The following ZBTB25 variants were observed in gnomAD, a reference collection of about 807,000 sequenced individuals.
ZBTB25 encodes the protein zinc finger and BTB domain-containing protein 25.
Under a neutral mutation model 34.2 loss-of-function variants are expected in ZBTB25, and 20 were observed. The ratio of observed to expected loss-of-function variants is 0.58; its 90% CI spans 0.41 to 0.85. ZBTB25 has a LOEUF of 0.85. Ranked by LOEUF, ZBTB25 falls within the 40% of genes least tolerant of loss-of-function variation. The pLI is 0.00. For synonymous variants in ZBTB25, 175 were observed against 186.4 expected, an observed-to-expected ratio of 0.94 and a Z score of 0.50; for missense variants, 437 against 521.8, an observed-to-expected ratio of 0.84 and a Z score of 1.58.
chr14:64,498,825 G>A (rs1047005877), intron 1 of ZBTB25, among the ~76,000 whole-genome samples: 3 of 151,572 alleles, frequency 2.0e-5, no homozygotes, highest in African/African-American at 7.3e-5. Flanking sequence ...TAGTCGAGAC[G>A]GGGTTTCACT....
chr14:64,494,737 A>AAT (rs2079211130), intron 1 of ZBTB25, among the ~76,000 whole-genome samples: 1 of 152,182 alleles, frequency 6.6e-6, no homozygotes, highest in Non-Finnish European at 1.5e-5. Context: ...ACCCAAACAT[A>AAT]CCTCTTCCCT....
At chr14:64,455,754 G>C (rs140983538) in intron 2 of ZBTB25, among the ~76,000 whole-genome samples, 1 of 152,298 alleles carries the variant, frequency 6.6e-6, no homozygotes, top group East Asian at 1.9e-4. Flanking sequence ...TAGGACATTA[G>C]AGCTGAATTC....
At chr14:64,454,895 G>A in intron 2 of ZBTB25, 2 of 1,613,628 alleles carry the variant, frequency 1.2e-6, no homozygotes, top group Non-Finnish European at 1.7e-6. Context: ...TGCTGCAAGG[G>A]AGTAGTGGGC....
Position 64,485,225 on chromosome 14 carries a change from T to C in ZBTB25, c.*1698A>G, listed in dbSNP as rs2078845247. The C allele has an allele frequency of 1.0e-6, 1 of 985,476 alleles. No homozygotes were observed. Among genetic ancestry groups the C allele is most frequent in the East Asian group, 1.1e-4 (1 of 8,814 alleles). The allele number at this position is 985,476 out of a possible 1,614,324, so 61.0% of individuals were successfully genotyped here. A position where few individuals can be genotyped will look rare whatever the true frequency, so the allele number is the denominator to read the frequency against. On this transcript the variant is annotated 3_prime_UTR_variant, in exon 3 of 3. Coordinates refer to ENST00000608382, the MANE Select transcript of ZBTB25 (RefSeq NM_006977.5). ...GAGCTCCCTCCTGATTGGACGCTGA[T>C]GCTGTTGAATGTGTCAGGAAACGTC...
rs202212212 is a variant in ZBTB25, at chr14:64,503,827, C to T, written c.-174G>A. On this transcript the variant is annotated 5_prime_UTR_variant, in exon 1 of 3. Coordinates refer to ENST00000608382, the MANE Select transcript of ZBTB25 (RefSeq NM_006977.5). ...CCCCACGTGACCGCGTGTCTGGTAGCAGGGGAAAGAGGGGCGCCAGGGCCG... is the reference window on the plus strand; with the variant it reads ...CCCCACGTGACCGCGTGTCTGGTAGTAGGGGAAAGAGGGGCGCCAGGGCCG... 5.0e-3 allele frequency: 783 copies of T among 158,040 alleles called. 25 individuals carry two copies. Among genetic ancestry groups the T allele is most frequent in the Admixed American group, 0.038 (583 of 15,296 alleles). 9.8% of individuals were successfully genotyped at this position (158,040 alleles called of 1,614,324 possible). A position where few individuals can be genotyped will look rare whatever the true frequency, so the allele number is the denominator to read the frequency against.
At chr14:64,497,412 A>G (rs1156587091) in intron 1 of ZBTB25, among the ~76,000 whole-genome samples, 1 of 152,210 alleles carries the variant, frequency 6.6e-6, no homozygotes, top group African/African-American at 2.4e-5. Flanking sequence ...AAAGTTTCCC[A>G]TGAATACAGA....
intron 1 of ZBTB25, among the ~76,000 whole-genome samples, chr14:64,494,137 G>GA (rs1442233481): frequency 1.3e-5 from 2 of 152,216 alleles, no homozygotes; most frequent in East Asian, 1.9e-4. Context: ...CAGAGGAGGA[G>GA]AAAAAAGAAA....
intron 1 of ZBTB25, among the ~76,000 whole-genome samples, chr14:64,493,077 T>C (rs2079143017): frequency 6.6e-6 from 1 of 152,108 alleles, no homozygotes; most frequent in African/African-American, 2.4e-5. Context: ...AACAGAAGGA[T>C]TCAGCTTGGC....
chr14:64,466,106 C>T (rs955242910), intron 2 of ZBTB25, among the ~76,000 whole-genome samples: 1 of 152,194 alleles, frequency 6.6e-6, no homozygotes, highest in East Asian at 1.9e-4. Flanking sequence ...TTGCTTTCCT[C>T]GGGTACTGGC....
At chr14:64,455,010 T>C in intron 2 of ZBTB25, 1 of 876,768 alleles carries the variant, frequency 1.1e-6, no homozygotes, top group Non-Finnish European at 1.9e-6. Context: ...CCTATTATGA[T>C]TGCTGTGGAT....
At chr14:64,468,414 A>T in intron 2 of ZBTB25, 1 of 1,602,056 alleles carries the variant, frequency 6.2e-7, no homozygotes, top group Non-Finnish European at 8.5e-7. Context: ...ACAATTTCAG[A>T]AATTCATGTA....
At chr14:64,477,288 T>C (rs2078728587), downstream of ZBTB25, among the ~76,000 whole-genome samples, 1 of 152,220 alleles carries the variant, frequency 6.6e-6, no homozygotes, top group African/African-American at 2.4e-5. Flanking sequence ...GTGTTGTGCA[T>C]TGTCTGCATG....
chr14:64,501,771 C>A (rs1195867643), intron 1 of ZBTB25, among the ~76,000 whole-genome samples: 1 of 152,204 alleles, frequency 6.6e-6, no homozygotes, highest in Non-Finnish European at 1.5e-5. Context: ...GGCCAAGGCA[C>A]CTCCTCCCCA....
At chr14:64,466,960 CT>C (rs1841511265) in intron 2 of ZBTB25, 1 of 151,992 alleles carries the variant, frequency 6.6e-6, no homozygotes, top group Admixed American at 6.6e-5. Flanking sequence ...TTATTTTTGG[CT>C]TTTAAATTAG....
chr14:64,490,279 A>T, intron 2 of ZBTB25, 82 bp downstream of exon 2: 1 of 1,076,624 alleles, frequency 9.3e-7, no homozygotes, highest in Non-Finnish European at 1.2e-6. Context: ...CTCCGTAACA[A>T]AGAATTTCCA....
At position 64,471,955 on chromosome 14, in the gene ZBTB25, T is replaced by C. The variant is rs541433478; in HGVS notation, c.173+18406A>G. The C allele has an allele frequency of 2.4e-5, 4 of 166,546 alleles. No individual in the cohort carries two copies. The East Asian group carries it at 7.7e-4, about 32-fold the overall frequency. 10.3% of individuals were successfully genotyped at this position (166,546 alleles called of 1,614,324 possible). A position where few individuals can be genotyped will look rare whatever the true frequency, so the allele number is the denominator to read the frequency against. ...GGAAATTGAACCAAATCATGGATAT[T>C]ATTAGCAAGATTCTTTGCTGAAGTG... On this transcript the variant is annotated intron_variant, in intron 2 of 2. Transcript: ENST00000555220.
rs2078818006 is a variant in ZBTB25 at position 64,483,388 on chromosome 14, CT to C, written c.*3534del. ...TGCCTCCCGGGTTCAAGCTATTCCA[CT>C]GCCTCAGCCTCTCGAGTAGCTGGGA... On this transcript the variant is annotated 3_prime_UTR_variant, in exon 3 of 3. Transcript: ENST00000608382. 1.3e-5 allele frequency: 2 copies of C among 152,314 alleles called. No homozygotes were observed. Among genetic ancestry groups the C allele is most frequent in the East Asian group, 3.9e-4 (2 of 5,164 alleles). The allele number at this position is 152,314 out of a possible 1,614,324, so 9.4% of individuals were successfully genotyped here.
At chr14:64,477,641 T>C (rs1384541872), downstream of ZBTB25, among the ~76,000 whole-genome samples, 1 of 152,202 alleles carries the variant, frequency 6.6e-6, no homozygotes, top group East Asian at 1.9e-4. Context: ...CAGGTGTGAC[T>C]TCACTTTCTA....
intron 2 of ZBTB25, among the ~76,000 whole-genome samples, chr14:64,451,711 T>C (rs1339085584): frequency 1.3e-5 from 2 of 152,242 alleles, no homozygotes; most frequent in African/African-American, 4.8e-5. Flanking sequence ...CTTGCAACTT[T>C]TATCCATTCT....
Sources: gnomAD v4.1 joint callset for allele counts (sites outside exome capture counted in the v4.1 genomes callset) on GRCh38, gnomAD v4.1.1 for gene constraint, MANE v1.5 for transcripts, NCBI Gene and HGNC (gene_info 2026-07-23, HGNC 2026-07-21) for gene names.